The following ARG2 variants were observed in gnomAD, a reference collection of about 807,000 sequenced individuals.
ARG2 encodes arginase-2, mitochondrial.
A neutral mutation model predicts 39.4 loss-of-function variants in ARG2; 21 were observed. The ratio of observed to expected loss-of-function variants is 0.53; its 90% CI spans 0.38 to 0.77. The LOEUF (loss-of-function observed/expected upper bound fraction) is 0.77, where lower values mean the gene tolerates loss of function less well. Among genes scored for constraint, ARG2 ranks in the 30% least tolerant of loss-of-function variants. ARG2 has a pLI of 0.00. For synonymous variants in ARG2, 150 were observed against 156.7 expected, an observed-to-expected ratio of 0.96 and a Z score of 0.32; for missense variants, 378 against 426.2, an observed-to-expected ratio of 0.89 and a Z score of 1.00.
At chr14:67,624,632 C>T (rs958796083) in intron 2 of ARG2, among the ~76,000 whole-genome samples, 2 of 152,094 alleles carry the variant, frequency 1.3e-5, no homozygotes, top group Admixed American at 6.6e-5. Flanking sequence ...GGTGCTGAAC[C>T]ATTAGGAACA....
chr14:67,638,775 T>C (rs2036999947), intron 2 of ARG2, among the ~76,000 whole-genome samples: 1 of 152,232 alleles, frequency 6.6e-6, no homozygotes, highest in African/African-American at 2.4e-5. Flanking sequence ...ACAAGGTTGC[T>C]GAGTGCATAG....
rs376670540 is a variant in ARG2, at chr14:67,646,721, C to G, written c.600C>G (p.Asp200Glu). The G allele has an allele frequency of 1.6e-5, 25 of 1,612,656 alleles. No homozygotes were observed. The highest frequency in any genetic ancestry group is 4.0e-5 in the African/African-American group (3 of 74,856). Residue 200 changes from aspartate (D) to glutamate (E), a missense_variant, in exon 5 of 8, where the codon GAC becomes GAG. Transcript: ENST00000261783. Reference sequence around the variant, plus strand: ...GTATTGTGTATATTGGTCTGAGAGACGTGGACCCTCCTGAACAGTAAGTTG... The same window carrying G: ...GTATTGTGTATATTGGTCTGAGAGAGGTGGACCCTCCTGAACAGTAAGTTG... ...SASIVYIGLR[D>E]VDPPEHFILK...
At chr14:67,647,923 TA>T (rs750021775) in intron 6 of ARG2, 123 bp from the exon 7 acceptor site, 58 of 946,076 alleles carry the variant, frequency 6.1e-5, no homozygotes, top group Non-Finnish European at 7.5e-5. Flanking sequence ...TTAACAGCTT[TA>T]TTAACAAAGT....
At chr14:67,631,539 G>A (rs879486460) in intron 2 of ARG2, among the ~76,000 whole-genome samples, 3 of 146,738 alleles carry the variant, frequency 2.0e-5, no homozygotes, top group Non-Finnish European at 4.5e-5. Context: ...AGGTTCAAAC[G>A]ATCCTCCTAC....
rs780145505 is a variant in ARG2 at position 67,646,950 on chromosome 14, A to G, written c.647A>G (p.Tyr216Cys). Residue 216 changes from tyrosine (Y) to cysteine (C), a missense_variant, in exon 6 of 8, where the codon TAT (tyrosine) becomes TGT (cysteine). Tyr to Cys is a radical substitution (Grantham distance 194, BLOSUM62 -2). Transcript: ENST00000261783. ...HFILKNYDIQ[Y>C]FSMRDIDRLG... is the part of the protein sequence containing the mutation. Reference sequence around the variant, plus strand: ...ATTTTAAAGAACTATGATATCCAGTATTTTTCCATGAGAGATATTGATCGA... The same window carrying G: ...ATTTTAAAGAACTATGATATCCAGTGTTTTTCCATGAGAGATATTGATCGA... 15 of 1,610,238 alleles carry G rather than the reference A, an allele frequency of 9.3e-6. No individual in the cohort carries two copies. The African/African-American group carries it at 1.6e-4, about 17-fold the overall frequency.
chr14:67,645,200 G>T (rs1363922405), intron 3 of ARG2, among the ~76,000 whole-genome samples: 1 of 150,538 alleles, frequency 6.6e-6, no homozygotes, highest in African/African-American at 2.4e-5. Flanking sequence ...CATTTTTGGA[G>T]ACAGGGTGTG....
intron 6 of ARG2, 49 bp downstream of exon 6, chr14:67,647,074 C>T: frequency 1.7e-6 from 2 of 1,152,616 alleles, no homozygotes; most frequent in Non-Finnish European, 2.6e-6. Flanking sequence ...GGGCAACACA[C>T]TTTTAGCCTG....
intron 2 of ARG2, among the ~76,000 whole-genome samples, chr14:67,628,380 G>A (rs1350920453): frequency 6.6e-6 from 1 of 152,140 alleles, no homozygotes; most frequent in Non-Finnish European, 1.5e-5. Flanking sequence ...GTGCACCACT[G>A]TGCTCGGCTG....
In ARG2 at chr14:67,648,047, G is replaced by T. The variant is rs1326066930; in HGVS notation, c.723G>T (p.Lys241Asn). Residue 241 changes from lysine to asparagine, a missense_variant and splice_region_variant, in exon 7 of 8, where the codon AAG (lysine) becomes AAT (asparagine). By Grantham distance (94) the Lys-to-Asn change is moderately conservative. Transcript: ENST00000261783. ...ATTATTTTATCCTCTTCCTTTTTAG[G>T]AGACAAAGACCAATCCATTTGAGTT... ...MERTFDLLIG[K>N]RQRPIHLSFD... 6.2e-7 allele frequency: 1 copy of T among 1,608,472 alleles called. No homozygotes were observed. Among genetic ancestry groups the T allele is most frequent in the Admixed American group, 1.7e-5 (1 of 59,648 alleles).
intron 2 of ARG2, among the ~76,000 whole-genome samples, chr14:67,622,779 T>A (rs1464638407): frequency 1.3e-5 from 2 of 152,234 alleles, no homozygotes; most frequent in African/African-American, 4.8e-5. Context: ...CAAATTGCTC[T>A]ACCGTCTGTA....
At chr14:67,648,399 A>G in intron 7 of ARG2, 2 of 417,782 alleles carry the variant, frequency 4.8e-6, no homozygotes, top group Non-Finnish European at 8.4e-6. Flanking sequence ...CACTAAGGTA[A>G]TAATGAGTAA....
chr14:67,620,704 G>T (rs2036800469), intron 1 of ARG2, among the ~76,000 whole-genome samples, 190 bp from the exon 2 acceptor site: 1 of 152,112 alleles, frequency 6.6e-6, no homozygotes, highest in Admixed American at 6.5e-5. Flanking sequence ...TCCTAACCTG[G>T]CTCAGCCTCT....
At chr14:67,630,489 C>T (rs1461517387) in intron 2 of ARG2, among the ~76,000 whole-genome samples, 2 of 152,162 alleles carry the variant, frequency 1.3e-5, no homozygotes, top group African/African-American at 2.4e-5. Context: ...GAAGTTGCTG[C>T]GGGACACGGT....
intron 2 of ARG2, among the ~76,000 whole-genome samples, chr14:67,634,332 C>T (rs866397589): frequency 2.0e-5 from 3 of 151,832 alleles, no homozygotes; most frequent in Non-Finnish European, 4.4e-5. Flanking sequence ...ATGGCTCACA[C>T]CTGTAACCCC....
At chr14:67,625,573 G>A (rs915949418) in intron 2 of ARG2, among the ~76,000 whole-genome samples, 12 of 151,090 alleles carry the variant, frequency 7.9e-5, no homozygotes, top group African/African-American at 2.4e-4. Context: ...CCAACTACTC[G>A]GGAGGCTGAG....
chr14:67,621,560 A>G (rs969334694), intron 2 of ARG2, among the ~76,000 whole-genome samples: 7 of 151,666 alleles, frequency 4.6e-5, no homozygotes, highest in Admixed American at 3.3e-4. Context: ...GGTTCAAGCA[A>G]TTCTCCTCCC....
At chr14:67,626,022 G>C (rs1234951345) in intron 2 of ARG2, among the ~76,000 whole-genome samples, 2 of 152,164 alleles carry the variant, frequency 1.3e-5, no homozygotes, top group Admixed American at 1.3e-4. Context: ...GGGAGGCTGA[G>C]GCGGGCAGAT....
intron 2 of ARG2, among the ~76,000 whole-genome samples, chr14:67,631,415 G>A (rs2036916496): frequency 6.8e-6 from 1 of 147,400 alleles, no homozygotes; most frequent in African/African-American, 2.5e-5. Flanking sequence ...AATTCCTCTA[G>A]TAAATCCTTT....
intron 2 of ARG2, among the ~76,000 whole-genome samples, chr14:67,637,369 C>T (rs2036982945): frequency 7.1e-6 from 1 of 140,888 alleles, no homozygotes; most frequent in South Asian, 2.4e-4. Context: ...CGAGATCATG[C>T]CATTGCACTC....
Sources: allele counts gnomAD v4.1 joint callset (sites outside exome capture counted in the v4.1 genomes callset), GRCh38; gene constraint gnomAD v4.1.1; transcripts MANE v1.5; gene names NCBI Gene and HGNC (gene_info 2026-07-23, HGNC 2026-07-21).